Variants in WWP2 observed in about 807,000 individuals in gnomAD.
WWP2 encodes NEDD4-like E3 ubiquitin-protein ligase WWP2.
A neutral mutation model predicts 121.0 loss-of-function variants in WWP2; 57 were observed. The observed-to-expected ratio is 0.47, with a 90% CI of 0.38 to 0.59. The LOEUF (loss-of-function observed/expected upper bound fraction) is 0.59. WWP2 is among the 20% of genes least tolerant of loss of function. The pLI is 0.00. For missense variants in WWP2, 962 were observed against 1,158.9 expected (o/e 0.83, Z 2.47); for synonymous variants, 449 against 441.3 (o/e 1.02, Z -0.22).
At chr16:69,924,981 A>G (rs995743440) in intron 10 of WWP2, 27 of 989,220 alleles carry the variant, frequency 2.7e-5, no homozygotes, top group South Asian at 4.6e-5. Context: ...AAGGCCTGCG[A>G]TATTTTTTCC....
In WWP2 at chr16:69,930,312, C is replaced by T. The variant is rs1300678411; in HGVS notation, c.1445+54C>T. The T allele has an allele frequency of 2.5e-6, 4 of 1,597,302 alleles. No homozygotes were observed. In the African/African-American group the frequency reaches 4.0e-5, roughly 16 times the overall value. ...GTCAGGAGCCGAGGCCCAGGCTGTC[C>T]TTGTTCTGGCTCTGGGAGGCCCACT... is the stretch of plus-strand genomic sequence containing the variant. On this transcript the variant is annotated intron_variant, in intron 13 of 23. Transcript: ENST00000359154.
At chr16:69,775,916 G>C (rs1440278056) in intron 1 of WWP2, among the ~76,000 whole-genome samples, 3 of 152,208 alleles carry the variant, frequency 2.0e-5, no homozygotes, top group Non-Finnish European at 4.4e-5. Context: ...AATGATTGCT[G>C]TAACTGTTGG....
intron 7 of WWP2, among the ~76,000 whole-genome samples, chr16:69,872,738 C>T (rs950412559): frequency 7.9e-5 from 12 of 152,188 alleles, no homozygotes; most frequent in Non-Finnish European, 1.0e-4. Flanking sequence ...GTGCAGGGGC[C>T]ATCCCGATGG....
At chr16:69,798,121 C>T (rs1171813964) in intron 2 of WWP2, among the ~76,000 whole-genome samples, 2 of 152,164 alleles carry the variant, frequency 1.3e-5, no homozygotes, top group African/African-American at 4.8e-5. Flanking sequence ...TGAATATTCT[C>T]CTGTAGCACT....
intron 2 of WWP2, among the ~76,000 whole-genome samples, chr16:69,796,347 C>T (rs1323460610): frequency 2.0e-5 from 3 of 152,138 alleles, no homozygotes; most frequent in African/African-American, 7.2e-5. Context: ...ATCTGATACT[C>T]CTAATCTGCC....
intron 6 of WWP2, among the ~76,000 whole-genome samples, chr16:69,844,817 A>G (rs963796886): frequency 6.6e-6 from 1 of 152,190 alleles, no homozygotes; most frequent in African/African-American, 2.4e-5. Context: ...GTAGCATCTG[A>G]GTTTTCCCTG....
intron 2 of WWP2, chr16:69,788,142 C>T (rs2055831584): frequency 6.6e-6 from 1 of 152,088 alleles, no homozygotes; most frequent in South Asian, 2.1e-4. Context: ...GCAGGAGGAT[C>T]ACCTGAGCCC....
chr16:69,781,310 G>T (rs981639962), intron 1 of WWP2, among the ~76,000 whole-genome samples: 1 of 152,026 alleles, frequency 6.6e-6, no homozygotes, highest in Non-Finnish European at 1.5e-5. Context: ...TGCATAGGAC[G>T]TCAAAGTTCA....
At chr16:69,859,555 CAAAAAAAAAGAAAAAG>C (rs2057378901) in intron 6 of WWP2, among the ~76,000 whole-genome samples, 1 of 146,130 alleles carries the variant, frequency 6.8e-6, no homozygotes, top group Non-Finnish European at 1.5e-5. Flanking sequence ...GACCCTGTCT[CAAAAAAAAAGAAAAAG>C]AAAAAAAAAG....
intron 8 of WWP2, among the ~76,000 whole-genome samples, chr16:69,899,055 G>A (rs78347773): frequency 0.055 from 8,325 of 152,256 alleles, 381 homozygotes; most frequent in East Asian, 0.22. Context: ...TCAATTATAC[G>A]CATTGCAAAT....
At chr16:69,807,033 T>C (rs71397988) in intron 4 of WWP2, among the ~76,000 whole-genome samples, 1 of 151,878 alleles carries the variant, frequency 6.6e-6, no homozygotes, top group Non-Finnish European at 1.5e-5. Context: ...TTTATCTTTG[T>C]CTTTTTTTTT....
At chr16:69,795,738 C>G (rs2056025590) in intron 2 of WWP2, among the ~76,000 whole-genome samples, 1 of 147,112 alleles carries the variant, frequency 6.8e-6, no homozygotes, top group Non-Finnish European at 1.5e-5. Context: ...GCCTCCGCCT[C>G]CTGGGTTCAA....
At chr16:69,917,048 A>G (rs1394803185) in intron 9 of WWP2, among the ~76,000 whole-genome samples, 1 of 152,216 alleles carries the variant, frequency 6.6e-6, no homozygotes, top group Non-Finnish European at 1.5e-5. Flanking sequence ...ACAAAACCAA[A>G]GACCATGCAA....
intron 8 of WWP2, among the ~76,000 whole-genome samples, chr16:69,904,242 G>A (rs1003151466): frequency 6.6e-6 from 1 of 152,198 alleles, no homozygotes; most frequent in African/African-American, 2.4e-5. Context: ...GCTGTCTTCT[G>A]TGCTAGAAGG....
intron 6 of WWP2, among the ~76,000 whole-genome samples, chr16:69,846,049 C>CAAAAAAAAAAAGAAAAAA (rs2057070321): frequency 2.2e-5 from 1 of 45,604 alleles, no homozygotes; most frequent in Non-Finnish European, 3.6e-5. Flanking sequence ...GACTCCATCT[C>CAAAAAAAAAAAGAAAAAA]AAAAAAAAAA....
rs8044373 is a variant in WWP2, at chr16:69,935,423, G to A, written c.1843-430G>A. Among the ~76,000 whole-genome samples, 2 of 152,298 alleles carry A rather than the reference G, an allele frequency of 1.3e-5. No individual in the cohort carries two copies. The highest frequency in any genetic ancestry group is 2.4e-5 in the African/African-American group (1 of 41,564). On this transcript the variant is annotated intron_variant, in intron 17 of 23. Coordinates refer to ENST00000359154, the MANE Select transcript of WWP2 (RefSeq NM_001270454.2). This position sits in a 1 kb window ranked among gnomAD's most constrained non-coding sequence, Gnocchi z 5.2. ...CCATTGGCCGCCAGCTCTCGCTGTC[G>A]GCGGTGTCTGCATTATTTTTGGCTG... is the stretch of plus-strand genomic sequence containing the variant.
At chr16:69,910,676 T>A (rs928981889) in intron 9 of WWP2, among the ~76,000 whole-genome samples, 10 of 152,240 alleles carry the variant, frequency 6.6e-5, no homozygotes, top group African/African-American at 2.4e-4. Context: ...CCCAAAGTGC[T>A]GGGATTACAG....
chr16:69,884,273 G>A (rs942548010), intron 7 of WWP2, among the ~76,000 whole-genome samples: 4 of 152,078 alleles, frequency 2.6e-5, no homozygotes, highest in African/African-American at 4.8e-5. Context: ...GAAGAGCTTC[G>A]TTCACCTCCC....
intron 6 of WWP2, among the ~76,000 whole-genome samples, chr16:69,866,501 C>T (rs1288546673): frequency 6.6e-6 from 1 of 151,946 alleles, no homozygotes; most frequent in East Asian, 1.9e-4. Flanking sequence ...AACCATCATC[C>T]CGCTTTCTCA....
Sources: allele counts gnomAD v4.1 joint callset (sites outside exome capture counted in the v4.1 genomes callset), GRCh38; gene constraint gnomAD v4.1.1; non-coding constraint Gnocchi (gnomAD v3.1); transcripts MANE v1.5; gene names NCBI Gene and HGNC (gene_info 2026-07-23, HGNC 2026-07-21).